EPHA3: variants seen among roughly 807,000 people sequenced by gnomAD.
EPHA3 encodes the protein ephrin type-A receptor 3.
Under a neutral mutation model 107.1 loss-of-function variants are expected in EPHA3, and 42 were observed. That is an observed-to-expected ratio of 0.39 (90% CI 0.31 to 0.51). EPHA3 has a LOEUF of 0.51. Ranked by LOEUF, EPHA3 falls within the 20% of genes least tolerant of loss-of-function variation. EPHA3 has a pLI of 0.78. For missense variants in EPHA3, 1,183 were observed against 1,211.2 expected (o/e 0.98, Z 0.35); for synonymous variants, 461 against 424.8 (o/e 1.09, Z -1.05).
intron 1 of EPHA3, among the ~76,000 whole-genome samples, chr3:89,110,794 A>G (rs1017276013): frequency 2.0e-5 from 3 of 152,060 alleles, no homozygotes; most frequent in African/African-American, 7.2e-5. Flanking sequence ...ATAACATTGG[A>G]ACAAAGTTAA....
chr3:89,397,166 T>A (rs542391363), intron 6 of EPHA3, among the ~76,000 whole-genome samples: 1 of 152,360 alleles, frequency 6.6e-6, no homozygotes, highest in African/African-American at 2.4e-5. Context: ...TGTCATTTTT[T>A]TCATAGTCTC....
At chr3:89,354,958 G>A (rs116745274) in intron 5 of EPHA3, among the ~76,000 whole-genome samples, 1,876 of 150,846 alleles carry the variant, frequency 0.012, 52 homozygotes, top group African/African-American at 0.043. Flanking sequence ...GTACACAGGT[G>A]GTGTGATTTC....
At chr3:89,332,569 C>T (rs564190499) in intron 3 of EPHA3, among the ~76,000 whole-genome samples, 2 of 152,276 alleles carry the variant, frequency 1.3e-5, no homozygotes, top group South Asian at 2.1e-4. Context: ...AATGCCTGGG[C>T]CTTGCCTCAA....
rs1003280422 is a variant in EPHA3 at position 89,152,064 on chromosome 3, G to A, written c.153+24791G>A. On this transcript the variant is annotated intron_variant, in intron 2 of 16. Transcript: ENST00000336596. Reference sequence around the variant, plus strand: ...AATGAAGACTTCTGCCTTACCTTGAGATTATTCAGTGCATATGTTTATGTT... The same window carrying A: ...AATGAAGACTTCTGCCTTACCTTGAAATTATTCAGTGCATATGTTTATGTT... 2.0e-5 allele frequency among the ~76,000 whole-genome samples: 3 copies of A among 152,106 alleles called. No individual in the cohort carries two copies. In the South Asian group the frequency reaches 6.2e-4, roughly 32 times the overall value.
chr3:89,469,479 G>A (rs2107572622), intron 15 of EPHA3, among the ~76,000 whole-genome samples: 1 of 152,306 alleles, frequency 6.6e-6, no homozygotes, highest in African/African-American at 2.4e-5. Context: ...GCATGTAGGT[G>A]TAGGGCACGA....
intron 5 of EPHA3, among the ~76,000 whole-genome samples, chr3:89,356,469 A>G (rs1195686691): frequency 2.0e-5 from 3 of 151,120 alleles, no homozygotes; most frequent in Non-Finnish European, 4.4e-5. Flanking sequence ...AAGTGTTCCT[A>G]TTTCTCCACA....
At chr3:89,429,068 C>A (rs770028161) in intron 11 of EPHA3, 38 bp from the exon 12 acceptor site, 6 of 1,389,798 alleles carry the variant, frequency 4.3e-6, no homozygotes, top group African/African-American at 4.3e-5. Context: ...AATACTTGAA[C>A]TGTACTGATT....
chr3:89,457,275 A>T (rs1412104339), intron 15 of EPHA3, among the ~76,000 whole-genome samples: 1 of 152,206 alleles, frequency 6.6e-6, no homozygotes, highest in African/African-American at 2.4e-5. Flanking sequence ...AAAAAGCCTG[A>T]TAGATCAGGG....
At chr3:89,373,636 G>C (rs563883361) in intron 5 of EPHA3, among the ~76,000 whole-genome samples, 2 of 151,846 alleles carry the variant, frequency 1.3e-5, no homozygotes, top group Non-Finnish European at 2.9e-5. Context: ...TCATCACCCT[G>C]CTGTGAATGA....
chr3:89,201,423 A>C (rs7374904), intron 2 of EPHA3, among the ~76,000 whole-genome samples: 4 of 152,084 alleles, frequency 2.6e-5, no homozygotes, highest in African/African-American at 9.7e-5. Flanking sequence ...TTTTAAAATA[A>C]AAATCTGTCA....
intron 9 of EPHA3, 148 bp from the exon 10 acceptor site, chr3:89,412,993 C>A (rs1303112642): frequency 7.1e-6 from 7 of 989,488 alleles, no homozygotes; most frequent in Non-Finnish European, 7.3e-6. Context: ...AATGTCACTG[C>A]CAGTTTCTGT....
chr3:89,225,025 A>T, intron 3 of EPHA3, among the ~76,000 whole-genome samples: 1 of 152,152 alleles, frequency 6.6e-6, no homozygotes, highest in East Asian at 1.9e-4. Flanking sequence ...AGTTAAAAAG[A>T]AATGGATTAC....
intron 1 of EPHA3, among the ~76,000 whole-genome samples, chr3:89,121,652 G>A (rs1350487836): frequency 1.3e-5 from 2 of 151,910 alleles, no homozygotes; most frequent in African/African-American, 4.8e-5. Context: ...AGTTACTCAG[G>A]AGGCCGAGGC....
In EPHA3 at chr3:89,299,955, A is replaced by G. The variant is rs1427935285; in HGVS notation, c.815-40961A>G. Among the ~76,000 whole-genome samples the G allele has an allele frequency of 2.0e-5, 3 of 152,140 alleles. No individual in the cohort carries two copies. In the East Asian group the frequency reaches 5.8e-4, roughly 29 times the overall value. On this transcript the variant is annotated intron_variant, in intron 3 of 16. Transcript: ENST00000336596. ...TACATATTTAAGTGTCGATTATATT[A>G]ATTTTTCATTTGGGCATAATAATAT...
At chr3:89,179,284 C>T (rs1705385016) in intron 2 of EPHA3, among the ~76,000 whole-genome samples, 1 of 151,866 alleles carries the variant, frequency 6.6e-6, no homozygotes, top group Admixed American at 6.6e-5. Context: ...ATCTCTTATT[C>T]CTCCCTCAAA....
At chr3:89,110,866 A>G (rs1463583031) in intron 1 of EPHA3, among the ~76,000 whole-genome samples, 2 of 152,028 alleles carry the variant, frequency 1.3e-5, no homozygotes. Context: ...ATTGGTAAAA[A>G]TACTTTCTTT....
intron 2 of EPHA3, among the ~76,000 whole-genome samples, chr3:89,201,514 T>G (rs567917895): frequency 3.2e-4 from 48 of 152,296 alleles, no homozygotes; most frequent in African/African-American, 1.1e-3. Context: ...TTTGCCATGG[T>G]TTTTGAACTA....
rs1247330677 is a variant in EPHA3, at chr3:89,210,187, A to G, written c.481A>G (p.Ile161Val). 1 of 1,613,934 alleles carries G rather than the reference A, an allele frequency of 6.2e-7. No homozygotes were observed. Among genetic ancestry groups the G allele is most frequent in the Non-Finnish European group, 8.5e-7 (1 of 1,179,958 alleles). The change falls in exon 3 of 17, where the codon ATT becomes GTT. Residue 161 changes from isoleucine (I) to valine (V), a missense_variant. Coordinates refer to ENST00000336596, the MANE Select transcript of EPHA3 (RefSeq NM_005233.6). ...CACTCAAATGGATCTTGGGGACCGT[A>G]TTCTGAAGCTCAACACTGAGATTAG... ...SFTQMDLGDR[I>V]LKLNTEIREV...
At chr3:89,113,485 C>CAAAAAAAAAAAAAAAAAAAAA (rs753848304) in intron 1 of EPHA3, among the ~76,000 whole-genome samples, 2 of 31,084 alleles carry the variant, frequency 6.4e-5, no homozygotes, top group Non-Finnish European at 1.2e-4. Context: ...TTCCTTTGTA[C>CAAAAAAAAAAAAAAAAAAAAA]AAAAAAAAAA....
Sources: allele counts gnomAD v4.1 joint callset (sites outside exome capture counted in the v4.1 genomes callset), GRCh38; gene constraint gnomAD v4.1.1; transcripts MANE v1.5; gene names NCBI Gene and HGNC (gene_info 2026-07-23, HGNC 2026-07-21).